The following VPS26C variants were observed in gnomAD, a reference collection of about 807,000 sequenced individuals.
VPS26C encodes VPS26 endosomal protein sorting factor C.
Under a neutral mutation model 30.6 loss-of-function variants are expected in VPS26C, and 19 were observed. That is an observed-to-expected ratio of 0.62 (90% confidence interval 0.43 to 0.91). VPS26C has a LOEUF of 0.91. VPS26C is among the 40% of genes least tolerant of loss of function. The pLI is 0.00. For missense variants in VPS26C, 318 were observed against 385.1 expected, an observed-to-expected ratio of 0.83 and a Z score of 1.46; for synonymous variants, 132 against 151.5, an observed-to-expected ratio of 0.87 and a Z score of 0.95.
chr21:37,267,224 C>T lies in VPS26C; in HGVS notation c.57+14G>A. The T allele has an allele frequency of 6.5e-7, 1 of 1,541,556 alleles. No homozygotes were observed. Among genetic ancestry groups the T allele is most frequent in the Non-Finnish European group, 8.9e-7 (1 of 1,118,034 alleles). ...CCAACCCCACCTCCATCCCCACCCC[C>T]AGCCCCCACTTACCCCGGCGTGATA... On this transcript the variant is annotated intron_variant, in intron 1 of 7. Transcript: ENST00000309117.
At chr21:37,250,862 T>C (rs55641404) in intron 1 of VPS26C, among the ~76,000 whole-genome samples, 12,065 of 138,722 alleles carry the variant, frequency 0.087, 1,288 homozygotes, top group African/African-American at 0.24. Context: ...ATCACACCAC[T>C]GCACTCCAGC....
rs2085874360 is a variant in VPS26C, at chr21:37,224,019, T to C, written c.*1525A>G. On this transcript the variant is annotated 3_prime_UTR_variant, in exon 8 of 8. Transcript: ENST00000309117. ...CCACAAAGGGAGACTGAGGAAATGC[T>C]GGCTTTAGGCCAAAAAACCCTGGCT... 6.6e-6 allele frequency: 1 copy of C among 152,240 alleles called. No individual in the cohort carries two copies. Among genetic ancestry groups the C allele is most frequent in the Admixed American group, 6.5e-5 (1 of 15,286 alleles). 9.4% of individuals were successfully genotyped at this position (152,240 alleles called of 1,614,324 possible).
chr21:37,265,961 A>C (rs887326021), intron 1 of VPS26C, among the ~76,000 whole-genome samples: 40 of 123,734 alleles, frequency 3.2e-4, no homozygotes, highest in Admixed American at 4.4e-4. Context: ...TCTGTTGCCC[A>C]GGCTGGAGTG....
intron 1 of VPS26C, among the ~76,000 whole-genome samples, chr21:37,254,239 T>C (rs2086220433): frequency 6.6e-6 from 1 of 152,124 alleles, no homozygotes; most frequent in Non-Finnish European, 1.5e-5. Flanking sequence ...TAGTGCAGCA[T>C]TCAAATCCAA....
In VPS26C at chr21:37,267,213, ATCCCCACC is replaced by A; in HGVS notation, c.57+17_57+24del. 7.2e-6 allele frequency: 3 copies of A among 415,808 alleles called. No homozygotes were observed. The highest frequency in any genetic ancestry group is 1.4e-5 in the Non-Finnish European group (3 of 215,158). 25.8% of individuals were successfully genotyped at this position (415,808 alleles called of 1,614,324 possible). On this transcript the variant is annotated intron_variant, in intron 1 of 7. Coordinates refer to ENST00000309117, the MANE Select transcript of VPS26C (RefSeq NM_006052.2). ...TGCAGACCCGCCCAACCCCACCTCC[ATCCCCACC>A]CCCAGCCCCCACTTACCCCGGCGTG...
Position 37,267,246 on chromosome 21 carries a change from G to T in VPS26C, c.49C>A (p.His17Asn). Residue 17 changes from histidine to asparagine, a missense_variant, in exon 1 of 8, where the codon CAC (histidine) becomes AAC (asparagine). Coordinates refer to ENST00000309117, the MANE Select transcript of VPS26C (RefSeq NM_006052.2). ...IKIKRANKVY[H>N]AGEVLSGVVV... The stretch of plus-strand genomic sequence containing the variant: ...CCCCAGCCCCCACTTACCCCGGCGT[G>T]ATAAACTTTATTCGCTCTTTTAATC... 6.2e-7 allele frequency: 1 copy of T among 1,609,708 alleles called. No homozygotes were observed. Among genetic ancestry groups the T allele is most frequent in the Non-Finnish European group, 8.5e-7 (1 of 1,177,686 alleles).
intron 1 of VPS26C, among the ~76,000 whole-genome samples, chr21:37,250,354 A>T (rs1028601875): frequency 6.6e-6 from 1 of 152,100 alleles, no homozygotes; most frequent in Non-Finnish European, 1.5e-5. Context: ...TTTGTGTATG[A>T]CAAATGTAGC....
At chr21:37,264,231 T>C (rs534136501) in intron 1 of VPS26C, among the ~76,000 whole-genome samples, 144 of 152,368 alleles carry the variant, frequency 9.5e-4, no homozygotes, top group African/African-American at 3.2e-3. Flanking sequence ...ATATTCACCA[T>C]ATAAGGTTTC....
At chr21:37,265,915 T>C in intron 1 of VPS26C, among the ~76,000 whole-genome samples, 1 of 134,326 alleles carries the variant, frequency 7.4e-6, no homozygotes, top group African/African-American at 3.0e-5. Context: ...TTTCTCTTTT[T>C]TTTTTTTTTT....
chr21:37,238,968 G>C (rs1033226548), intron 2 of VPS26C, among the ~76,000 whole-genome samples: 3 of 152,188 alleles, frequency 2.0e-5, no homozygotes, highest in African/African-American at 7.2e-5. Context: ...CAGGGTTGAC[G>C]TGTGAACCCA....
At chr21:37,264,699 GGTAGACT>G (rs1238962488) in intron 1 of VPS26C, among the ~76,000 whole-genome samples, 2 of 152,162 alleles carry the variant, frequency 1.3e-5, no homozygotes, top group African/African-American at 4.8e-5. Context: ...ATACAGTGCT[GGTAGACT>G]GTAAAGTGGT....
chr21:37,249,333 C>T (rs1427568315), intron 1 of VPS26C, among the ~76,000 whole-genome samples: 1 of 152,154 alleles, frequency 6.6e-6, no homozygotes, highest in East Asian at 1.9e-4. Flanking sequence ...AAACTACTAT[C>T]AACATGAAGA....
intron 3 of VPS26C, among the ~76,000 whole-genome samples, chr21:37,237,915 A>C (rs1234855201): frequency 1.3e-5 from 2 of 152,194 alleles, no homozygotes; most frequent in Admixed American, 1.3e-4. Context: ...GCATAAAGGA[A>C]AGGCTATCTC....
intron 1 of VPS26C, among the ~76,000 whole-genome samples, chr21:37,253,535 A>T (rs2086214680): frequency 6.6e-6 from 1 of 152,240 alleles, no homozygotes; most frequent in Non-Finnish European, 1.5e-5. Flanking sequence ...GCCACTGAAC[A>T]AAAGTTTAAA....
rs76063630 is a variant in VPS26C at position 37,256,665 on chromosome 21, T to C, written c.57+10573A>G. Among the ~76,000 whole-genome samples, 1,276 of 152,312 alleles carry C rather than the reference T, an allele frequency of 8.4e-3. 10 individuals carry two copies. The highest frequency in any genetic ancestry group is 0.03 in the African/African-American group (1,226 of 41,550). On this transcript the variant is annotated intron_variant, in intron 1 of 7. Coordinates refer to ENST00000309117, the MANE Select transcript of VPS26C (RefSeq NM_006052.2). ...AACAAGTGACGGCACAAGCTCTCTATTACAGAGAGTAAAAAGCCCAGGCAG... is the reference window on the plus strand; with the variant it reads ...AACAAGTGACGGCACAAGCTCTCTACTACAGAGAGTAAAAAGCCCAGGCAG...
intron 1 of VPS26C, among the ~76,000 whole-genome samples, chr21:37,248,143 A>G (rs1314442566): frequency 6.6e-6 from 1 of 152,206 alleles, no homozygotes; most frequent in Non-Finnish European, 1.5e-5. Context: ...TTTACAGATC[A>G]TGACCAATAG....
intron 6 of VPS26C, 149 bp downstream of exon 6, chr21:37,228,074 A>G (rs2085921337): frequency 8.0e-7 from 1 of 1,247,920 alleles, no homozygotes; most frequent in Non-Finnish European, 1.1e-6. Flanking sequence ...TGCAGCCTCA[A>G]ACCACCCTCC....
rs574612687 is a variant in VPS26C, at chr21:37,224,527, C to T, written c.*1017G>A. 1.6e-4 allele frequency: 24 copies of T among 152,320 alleles called. No individual in the cohort carries two copies. Among genetic ancestry groups the T allele is most frequent in the East Asian group, 5.8e-4 (3 of 5,190 alleles). The allele number at this position is 152,320 out of a possible 1,614,324, so 9.4% of individuals were successfully genotyped here. Reference sequence around the variant, plus strand: ...TGCGTGACACAGTTTGGAAAACTGTCTCTCTCTATGTATGTATCTGTTCAG... The same window carrying T: ...TGCGTGACACAGTTTGGAAAACTGTTTCTCTCTATGTATGTATCTGTTCAG... On this transcript the variant is annotated 3_prime_UTR_variant, in exon 8 of 8. Coordinates refer to ENST00000309117, the MANE Select transcript of VPS26C (RefSeq NM_006052.2).
chr21:37,251,266 A>G (rs1437081341), intron 1 of VPS26C, among the ~76,000 whole-genome samples: 1 of 152,206 alleles, frequency 6.6e-6, no homozygotes, highest in Non-Finnish European at 1.5e-5. Context: ...ATTCACTGCA[A>G]CACTGTTTGT....
Sources: gnomAD v4.1 joint callset for allele counts (sites outside exome capture counted in the v4.1 genomes callset) on GRCh38, gnomAD v4.1.1 for gene constraint, MANE v1.5 for transcripts, NCBI Gene and HGNC (gene_info 2026-07-23, HGNC 2026-07-21) for gene names.